SSU72: variants seen among roughly 807,000 people sequenced by gnomAD.
SSU72 encodes RNA polymerase II subunit A C-terminal domain phosphatase SSU72.
In SSU72, 12 loss-of-function variants were observed where a neutral mutation model predicts 22.7. That is an observed-to-expected ratio of 0.53 (90% confidence interval 0.34 to 0.86). The LOEUF (loss-of-function observed/expected upper bound fraction) is 0.86. Among genes scored for constraint, SSU72 ranks in the 40% least tolerant of loss-of-function variants. The probability of loss-of-function intolerance (pLI) is 0.02; values close to 1 mark genes in which losing one functional copy is unlikely to be tolerated. For missense variants in SSU72, 151 were observed against 249.8 expected (o/e 0.60, Z 2.67); for synonymous variants, 116 against 98.3 (o/e 1.18, Z -1.06).
intron 2 of SSU72, among the ~76,000 whole-genome samples, chr1:1,552,061 G>A (rs1017117196): frequency 6.6e-5 from 10 of 152,178 alleles, no homozygotes; most frequent in African/African-American, 1.7e-4. Flanking sequence ...GCTGACCAGC[G>A]TTCCGACCCG....
chr1:1,557,670 C>A (rs1642537326), intron 2 of SSU72, among the ~76,000 whole-genome samples: 1 of 144,926 alleles, frequency 6.9e-6, no homozygotes, highest in South Asian at 2.2e-4. Flanking sequence ...TGGTACGCCG[C>A]ACCTGTAATC....
intron 3 of SSU72, among the ~76,000 whole-genome samples, 198 bp from the exon 4 acceptor site, chr1:1,544,185 C>G (rs536111807): frequency 1.3e-5 from 2 of 152,328 alleles, no homozygotes; most frequent in South Asian, 4.1e-4. Context: ...GAGCAAATCT[C>G]CAACTCAGCA....
Position 1,542,727 on chromosome 1 carries a change from CCTGT to C in SSU72, c.484-564_484-561del, listed in dbSNP as rs770512904. Among the ~76,000 whole-genome samples, 13 of 152,114 alleles carry C rather than the reference CCTGT, an allele frequency of 8.5e-5. No homozygotes were observed. The highest frequency in any genetic ancestry group is 2.2e-4 in the African/African-American group (9 of 41,412). ...CCCAGTGCCTCTAAGCAAGGAGCGG[CCTGT>C]CTGTGACTCAGCTCTGGCCAACGTG... On this transcript the variant is annotated intron_variant, in intron 4 of 4. Transcript: ENST00000291386. This position sits in a 1 kb window ranked among gnomAD's most constrained non-coding sequence, Gnocchi z 4.4.
At chr1:1,568,717 G>C (rs550961991) in intron 1 of SSU72, among the ~76,000 whole-genome samples, 121 of 152,040 alleles carry the variant, frequency 8.0e-4, no homozygotes, top group African/African-American at 2.8e-3. Flanking sequence ...TTGAGGTCGG[G>C]AGTTTGAGAC....
At chr1:1,555,912 T>C (rs902206146) in intron 2 of SSU72, among the ~76,000 whole-genome samples, 3 of 152,082 alleles carry the variant, frequency 2.0e-5, no homozygotes, top group Admixed American at 6.5e-5. Flanking sequence ...GGTGGGAGGA[T>C]TGAGCCCAGG....
chr1:1,569,822 G>A (rs1233732680), intron 1 of SSU72, among the ~76,000 whole-genome samples: 1 of 151,296 alleles, frequency 6.6e-6, no homozygotes, highest in African/African-American at 2.4e-5. Flanking sequence ...TAAAAGGGGC[G>A]AGGTTCACTG....
At chr1:1,570,971 G>A (rs1419384757) in intron 1 of SSU72, among the ~76,000 whole-genome samples, 1 of 152,092 alleles carries the variant, frequency 6.6e-6, no homozygotes, top group Non-Finnish European at 1.5e-5. Flanking sequence ...ATTTGGCCGG[G>A]CGCGGTGGCT....
At chr1:1,564,625 A>G (rs1642637002) in intron 2 of SSU72, 148 bp downstream of exon 2, 1 of 1,613,670 alleles carries the variant, frequency 6.2e-7, no homozygotes, top group Admixed American at 1.7e-5. Flanking sequence ...TCCGACGTGC[A>G]CCAGGAATAG....
chr1:1,548,640 T>C (rs962649669), intron 2 of SSU72, among the ~76,000 whole-genome samples: 2 of 150,182 alleles, frequency 1.3e-5, no homozygotes, highest in African/African-American at 4.9e-5. Context: ...GGTGGGGTGC[T>C]GGGGGTGGGT....
chr1:1,553,577 C>T (rs1006796316), intron 2 of SSU72, among the ~76,000 whole-genome samples: 1 of 147,506 alleles, frequency 6.8e-6, no homozygotes, highest in Non-Finnish European at 1.5e-5. Context: ...AGATCGAGAC[C>T]ATCCTGGCTA....
intron 1 of SSU72, among the ~76,000 whole-genome samples, chr1:1,574,147 G>T (rs1642775040): frequency 1.3e-5 from 2 of 152,082 alleles, no homozygotes; most frequent in Non-Finnish European, 2.9e-5. Flanking sequence ...CAGGGAAGGT[G>T]GCCAACGACG....
chr1:1,554,693 C>T lies in SSU72; in HGVS notation c.225-9691G>A, dbSNP rs550759718. Among the ~76,000 whole-genome samples, 2 of 152,242 alleles carry T rather than the reference C, an allele frequency of 1.3e-5. No homozygotes were observed. Among genetic ancestry groups the T allele is most frequent in the East Asian group, 1.9e-4 (1 of 5,170 alleles). ...AGGGAACCCACAGGCACTGCCACGCCAGTGTGGCTGGCACCAGGGACCGCA... is the reference window on the plus strand; with the variant it reads ...AGGGAACCCACAGGCACTGCCACGCTAGTGTGGCTGGCACCAGGGACCGCA... On this transcript the variant is annotated intron_variant, in intron 2 of 4. Transcript: ENST00000291386. This position sits in a 1 kb window ranked among gnomAD's most constrained non-coding sequence, Gnocchi z 4.1.
At chr1:1,572,888 G>GT (rs897404720) in intron 1 of SSU72, among the ~76,000 whole-genome samples, 3 of 142,854 alleles carry the variant, frequency 2.1e-5, no homozygotes, top group South Asian at 2.3e-4. Flanking sequence ...GGGGGGGGGG[G>GT]GGTGAGCCTT....
At chr1:1,546,871 A>C (rs796163616) in intron 2 of SSU72, among the ~76,000 whole-genome samples, 3,557 of 138,340 alleles carry the variant, frequency 0.026, 104 homozygotes, top group Admixed American at 0.07. Flanking sequence ...AAAAAAAAAA[A>C]AAAAAAAAAA....
chr1:1,573,429 C>CAAAAAAAAAAAAAAAAAAAAAAAAA (rs56930035), intron 1 of SSU72, among the ~76,000 whole-genome samples: 1 of 107,452 alleles, frequency 9.3e-6, no homozygotes, highest in Non-Finnish European at 2.6e-5. Context: ...GACTCTGTCT[C>CAAAAAAAAAAAAAAAAAAAAAAAAA]AAAAAAAAAA....
chr1:1,564,762 C>G lies in SSU72; in HGVS notation c.224+11G>C. On this transcript the variant is annotated intron_variant, in intron 2 of 4. Transcript: ENST00000291386. ...CACGGGGGGTTTTTAAAGGGCAACC[C>G]GCTGGGATACAGTTCTTTGTCTTTC... The G allele has an allele frequency of 6.2e-7, 1 of 1,614,180 alleles. No individual in the cohort carries two copies.
rs751454400 is a variant in SSU72, at chr1:1,542,837, G to A, written c.484-670C>T. Among the ~76,000 whole-genome samples the A allele has an allele frequency of 6.6e-5, 10 of 152,176 alleles. No individual in the cohort carries two copies. The highest frequency in any genetic ancestry group is 2.6e-4 in the Admixed American group (4 of 15,278). ...CTCCTGCCAGGCGATCATGAAGACC[G>A]TCCCTGGCGCTTCAGCAGCCACACT... On this transcript the variant is annotated intron_variant, in intron 4 of 4. Transcript: ENST00000291386. This position sits in a 1 kb window ranked among gnomAD's most constrained non-coding sequence, Gnocchi z 4.4.
rs1034807409 is a variant in SSU72 at position 1,542,300 on chromosome 1, G to T, written c.484-133C>A. On this transcript the variant is annotated intron_variant, in intron 4 of 4. Transcript: ENST00000291386. This position sits in a 1 kb window ranked among gnomAD's most constrained non-coding sequence, Gnocchi z 4.4. Reference sequence around the variant, plus strand: ...GCAGCAGGCAGGCCCTCACCCCACCGCTGCTGCCTCACAAGGACGGCCGGA... The same window carrying T: ...GCAGCAGGCAGGCCCTCACCCCACCTCTGCTGCCTCACAAGGACGGCCGGA... 1 of 809,544 alleles carries T rather than the reference G, an allele frequency of 1.2e-6. No individual in the cohort carries two copies. Among genetic ancestry groups the T allele is most frequent in the Non-Finnish European group, 2.0e-6 (1 of 511,966 alleles). 50.1% of individuals were successfully genotyped at this position (809,544 alleles called of 1,614,324 possible).
intron 1 of SSU72, among the ~76,000 whole-genome samples, chr1:1,573,829 C>T (rs529133559): frequency 9.9e-5 from 15 of 152,120 alleles, no homozygotes; most frequent in Non-Finnish European, 1.9e-4. Flanking sequence ...TGGTCAGTTT[C>T]TCAGTTTGCT....
Sources: allele counts gnomAD v4.1 joint callset (sites outside exome capture counted in the v4.1 genomes callset), GRCh38; gene constraint gnomAD v4.1.1; non-coding constraint Gnocchi (gnomAD v3.1); transcripts MANE v1.5; gene names NCBI Gene and HGNC (gene_info 2026-07-23, HGNC 2026-07-21).